The following FGGY variants were observed in gnomAD, a reference collection of about 807,000 sequenced individuals.
FGGY encodes the protein FGGY carbohydrate kinase domain-containing protein.
FGGY carries 72 observed loss-of-function variants against 71.3 expected under a neutral mutation model. The observed-to-expected ratio is 1.01, with a 90% CI of 0.84 to 1.23. FGGY has a LOEUF of 1.23. Among genes scored for constraint, FGGY ranks in the 50% most tolerant of loss-of-function variants. The pLI is 0.00. For missense variants in FGGY, 668 were observed against 682.3 expected, an observed-to-expected ratio of 0.98 and a Z score of 0.23; for synonymous variants, 251 against 250.3, an observed-to-expected ratio of 1.00 and a Z score of -0.02.
chr1:59,631,420 T>C (rs1441070212), intron 10 of FGGY, among the ~76,000 whole-genome samples: 4 of 152,310 alleles, frequency 2.6e-5, no homozygotes, highest in South Asian at 2.1e-4. Flanking sequence ...TTTTCTTTTA[T>C]TGTCTTACAA....
chr1:59,564,472 G>A (rs74858622), intron 8 of FGGY, among the ~76,000 whole-genome samples: 4,036 of 152,336 alleles, frequency 0.026, 185 homozygotes, highest in African/African-American at 0.093. Flanking sequence ...CAGAGGCAAA[G>A]GGTGTGGCCT....
intron 2 of FGGY, among the ~76,000 whole-genome samples, chr1:59,322,212 T>G (rs2046513356): frequency 6.6e-6 from 1 of 151,552 alleles, no homozygotes; most frequent in South Asian, 2.1e-4. Context: ...GGTAACTTAC[T>G]CAAGTTCACA....
chr1:59,583,529 C>A (rs1213033716), intron 8 of FGGY, among the ~76,000 whole-genome samples: 1 of 142,880 alleles, frequency 7.0e-6, no homozygotes, highest in Admixed American at 6.9e-5. Context: ...AAGTAGTGAG[C>A]ATGAAAGGTC....
At chr1:59,302,234 G>T (rs1408190220) in intron 1 of FGGY, among the ~76,000 whole-genome samples, 1 of 151,742 alleles carries the variant, frequency 6.6e-6, no homozygotes, top group East Asian at 1.9e-4. Context: ...TTGATCTATA[G>T]TTTTCTTGTA....
intron 8 of FGGY, among the ~76,000 whole-genome samples, chr1:59,588,840 A>C (rs1050500629): frequency 5.9e-5 from 9 of 152,260 alleles, no homozygotes; most frequent in Non-Finnish European, 1.0e-4. Flanking sequence ...AAATCATGCC[A>C]AACTGTAAAG....
chr1:59,625,666 C>CA (rs369110549), intron 9 of FGGY, among the ~76,000 whole-genome samples: 1 of 152,116 alleles, frequency 6.6e-6, no homozygotes, highest in Non-Finnish European at 1.5e-5. Flanking sequence ...AGACCCCCCC[C>CA]ATTTGACATA....
intron 6 of FGGY, among the ~76,000 whole-genome samples, chr1:59,485,885 T>C (rs1223875019): frequency 6.6e-6 from 1 of 151,860 alleles, no homozygotes; most frequent in East Asian, 1.9e-4. Flanking sequence ...AAGCCAGGAG[T>C]TAAAATCTTC....
chr1:59,516,840 T>C (rs1302569266), intron 7 of FGGY, among the ~76,000 whole-genome samples: 1 of 152,092 alleles, frequency 6.6e-6, no homozygotes, highest in Non-Finnish European at 1.5e-5. Flanking sequence ...TTCTGACTAG[T>C]ATGAGGGGTC....
chr1:59,478,856 A>G (rs1462385453), intron 6 of FGGY, among the ~76,000 whole-genome samples: 3 of 152,178 alleles, frequency 2.0e-5, no homozygotes, highest in South Asian at 2.1e-4. Context: ...AAGGGCAGGG[A>G]GATAATGAGG....
In FGGY at chr1:59,601,542, C is replaced by T. The variant is rs192114628; in HGVS notation, c.904-6261C>T. On this transcript the variant is annotated intron_variant, in intron 8 of 15. Transcript: ENST00000303721. ...TCCTGGGCAATTTGCTTACCCTCTT[C>T]ATGCCTGTGTCTTCAGCTATAATAT... Among the ~76,000 whole-genome samples, 526 of 152,310 alleles carry T rather than the reference C, an allele frequency of 3.5e-3. 6 individuals carry two copies. The highest frequency in any genetic ancestry group is 0.012 in the African/African-American group (495 of 41,574).
intron 2 of FGGY, among the ~76,000 whole-genome samples, chr1:59,330,353 G>A (rs1313538114): frequency 6.6e-6 from 1 of 152,076 alleles, no homozygotes; most frequent in East Asian, 1.9e-4. Flanking sequence ...GGCAGATCAT[G>A]AGGTCAGGAG....
rs143496536 is a variant in FGGY at position 59,520,832 on chromosome 1, G to A, written c.799+8393G>A. ...CCTGGTACCCAGAGGAGACAGCCTGGGGGGATGAGTTGGCACTGAGGACAC... is the reference window on the plus strand; with the variant it reads ...CCTGGTACCCAGAGGAGACAGCCTGAGGGGATGAGTTGGCACTGAGGACAC... On this transcript the variant is annotated intron_variant, in intron 7 of 15. Coordinates refer to ENST00000303721, the MANE Select transcript of FGGY (RefSeq NM_018291.5). Among the ~76,000 whole-genome samples the A allele has an allele frequency of 2.5e-3, 383 of 152,236 alleles. 1 individual carries two copies. The highest frequency in any genetic ancestry group is 5.0e-3 in the Admixed American group (76 of 15,304).
chr1:59,627,156 GGGAAAAGAAAAGAAA>G (rs2096864788), intron 10 of FGGY, among the ~76,000 whole-genome samples: 1 of 151,754 alleles, frequency 6.6e-6, no homozygotes, highest in Non-Finnish European at 1.5e-5. Flanking sequence ...AAAGGGGGTT[GGGAAAAGAAAAGAAA>G]GGAAAAGAAA....
intron 7 of FGGY, among the ~76,000 whole-genome samples, chr1:59,537,998 G>A (rs947396428): frequency 6.6e-6 from 1 of 152,038 alleles, no homozygotes; most frequent in African/African-American, 2.4e-5. Flanking sequence ...TTGACAAATG[G>A]GATCTCATTA....
At chr1:59,326,882 T>G (rs74085544) in intron 2 of FGGY, among the ~76,000 whole-genome samples, 4,652 of 152,314 alleles carry the variant, frequency 0.031, 259 homozygotes, top group African/African-American at 0.11. Context: ...AGTTTCTCAG[T>G]GCATATGAAA....
chr1:59,614,191 A>C (rs2096723688), intron 9 of FGGY, among the ~76,000 whole-genome samples: 2 of 152,170 alleles, frequency 1.3e-5, no homozygotes, highest in Admixed American at 1.3e-4. Flanking sequence ...CAGAGACACA[A>C]CTAAAAAAGA....
intron 7 of FGGY, among the ~76,000 whole-genome samples, chr1:59,532,659 A>T (rs1322971258): frequency 6.6e-6 from 1 of 152,190 alleles, no homozygotes; most frequent in Non-Finnish European, 1.5e-5. Context: ...AAAGGAACTT[A>T]TTTTGATTAA....
At chr1:59,593,392 C>G (rs1286696248) in intron 8 of FGGY, among the ~76,000 whole-genome samples, 1 of 152,196 alleles carries the variant, frequency 6.6e-6, no homozygotes, top group African/African-American at 2.4e-5. Flanking sequence ...CATACCTGCC[C>G]TTCCACTCAG....
intron 7 of FGGY, chr1:59,553,885 TTATAACGTTGGG>T (rs2095645719): frequency 2.7e-6 from 1 of 372,600 alleles, no homozygotes; most frequent in East Asian, 4.0e-5. Context: ...ACTGCCATTA[TTATAACGTTGGG>T]TGCCATACAT....
Sources: allele counts gnomAD v4.1 joint callset (sites outside exome capture counted in the v4.1 genomes callset), GRCh38; gene constraint gnomAD v4.1.1; transcripts MANE v1.5; gene names NCBI Gene and HGNC (gene_info 2026-07-23, HGNC 2026-07-21).